ADAMTSL4: variants seen among roughly 807,000 people sequenced by gnomAD.
The protein encoded by ADAMTSL4 is ADAMTS like 4, also known as ADAMTS-like protein 4.
Under a neutral mutation model 122.8 loss-of-function variants are expected in ADAMTSL4, and 97 were observed. The observed-to-expected ratio is 0.79, with a 90% CI of 0.67 to 0.93. ADAMTSL4 has a LOEUF of 0.93. Among genes scored for constraint, ADAMTSL4 ranks in the 40% least tolerant of loss-of-function variants. The probability of loss-of-function intolerance (pLI) is 0.00; values close to 1 mark genes in which losing one functional copy is unlikely to be tolerated. For synonymous variants in ADAMTSL4, 592 were observed against 568.0 expected (o/e 1.04, Z -0.60); for missense variants, 1,408 against 1,453.5 (o/e 0.97, Z 0.51).
rs1332631672 is a variant in ADAMTSL4 at position 150,560,104 on chromosome 1, C to A, written c.3133C>A (p.Gln1045Lys). The A allele has an allele frequency of 6.2e-7, 1 of 1,614,130 alleles. No homozygotes were observed. The highest frequency in any genetic ancestry group is 8.5e-7 in the Non-Finnish European group (1 of 1,180,020). ...DSSPHCPLVV[Q>K]ARLCVYPYYT... ...CTCTCCACATTGCCCCCTGGTGGTA[C>A]AGGCCCGGCTCTGCGTCTACCCCTA... Residue 1045 changes from glutamine (Q) to lysine (K), a missense_variant, in exon 19 of 19, where the codon CAG (glutamine) becomes AAG (lysine). Coordinates refer to ENST00000271643, the MANE Select transcript of ADAMTSL4 (RefSeq NM_019032.6).
rs371019983 is a variant in ADAMTSL4, at chr1:150,554,662, GGGA to G, written c.1234+204_1234+206del. The G allele has an allele frequency of 2.7e-4, 411 of 1,536,938 alleles. No individual in the cohort carries two copies. In the African/African-American group the frequency reaches 3.9e-3, roughly 15 times the overall value. ...GAGTGGTCTGCAGAAGGGTCGGGGT[GGGA>G]GGAGGAGGTGTGGGAGACACGCTTT... On this transcript the variant is annotated intron_variant, in intron 7 of 18. Transcript: ENST00000271643. The surrounding 1 kb of genome is among the most constrained non-coding windows in gnomAD (Gnocchi z 4.0).
In ADAMTSL4 at chr1:150,554,307, C is replaced by A. The variant is rs1176226934; in HGVS notation, c.1132-58C>A. Reference sequence around the variant, plus strand: ...CTCCCACCTGCTCCCCAGGTTCAGCCCTGCCCCTACCCTCATTTTGCTCCC... The same window carrying A: ...CTCCCACCTGCTCCCCAGGTTCAGCACTGCCCCTACCCTCATTTTGCTCCC... On this transcript the variant is annotated intron_variant, in intron 6 of 18. Coordinates refer to ENST00000271643, the MANE Select transcript of ADAMTSL4 (RefSeq NM_019032.6). The surrounding 1 kb of genome is among the most constrained non-coding windows in gnomAD (Gnocchi z 4.0). The A allele has an allele frequency of 6.4e-7, 1 of 1,559,088 alleles. No homozygotes were observed. The highest frequency in any genetic ancestry group is 8.8e-7 in the Non-Finnish European group (1 of 1,132,432).
rs1672198948 is a variant in ADAMTSL4 at position 150,556,966 on chromosome 1, G to GT, written c.1783dup (p.Tyr595LeufsTer13). On this transcript the variant is annotated frameshift_variant, in exon 11 of 19. Transcript: ENST00000271643. LOFTEE classifies it high-confidence loss of function. This position sits in a 1 kb window ranked among gnomAD's most constrained non-coding sequence, Gnocchi z 4.1. ...GATCTTTCAGGAGGAAAACCCAGGC[G>GT]TTTTTTATCAGTATGTCATCTCTTC... 5.6e-6 allele frequency: 9 copies of GT among 1,613,948 alleles called. No homozygotes were observed. The highest frequency in any genetic ancestry group is 2.2e-5 in the East Asian group (1 of 44,894).
At chr1:150,555,960 A>C in intron 8 of ADAMTSL4, 1 of 633,946 alleles carries the variant, frequency 1.6e-6, no homozygotes, top group Non-Finnish European at 2.8e-6. Flanking sequence ...TCACCTGCCA[A>C]GCTGCGCTGA....
In ADAMTSL4 at chr1:150,560,161, C is replaced by A. The variant is rs1490639387; in HGVS notation, c.3190C>A (p.His1064Asn). The A allele has an allele frequency of 3.7e-6, 6 of 1,614,094 alleles. No homozygotes were observed. Among genetic ancestry groups the A allele is most frequent in the Non-Finnish European group, 4.2e-6 (5 of 1,180,008 alleles). Reference sequence around the variant, plus strand: ...AGCCACCTGTTGCCGCTCTTGCGCACATGTCCTGGAGCGGTCTCCCCAGGA... The same window carrying A: ...AGCCACCTGTTGCCGCTCTTGCGCAAATGTCCTGGAGCGGTCTCCCCAGGA... ...YTATCCRSCAHVLERSPQDPS is the reference protein window; with the variant it reads ...YTATCCRSCANVLERSPQDPS The change falls in exon 19 of 19, where the codon CAT (histidine) becomes AAT (asparagine). Residue 1064 changes from histidine to asparagine, a missense_variant. Transcript: ENST00000271643.
In ADAMTSL4 at chr1:150,559,061, A is replaced by G. The variant is rs201865759; in HGVS notation, c.2659A>G (p.Thr887Ala). ...GPGQGEAGAG[T>A]GQSCPTGSRP... ...AGGCCAGGGGGAAGCAGGAGCAGGA[A>G]CTGGGCAGAGCTGTCCAACAGGAAG... The change falls in exon 16 of 19, where the codon ACT (threonine) becomes GCT (alanine). Residue 887 changes from threonine to alanine, a missense_variant. Coordinates refer to ENST00000271643, the MANE Select transcript of ADAMTSL4 (RefSeq NM_019032.6). The surrounding 1 kb of genome is among the most constrained non-coding windows in gnomAD (Gnocchi z 4.1). 13 of 1,612,680 alleles carry G rather than the reference A, an allele frequency of 8.1e-6. No homozygotes were observed. In the East Asian group the frequency reaches 2.5e-4, roughly 30 times the overall value.
chr1:150,550,543 G>A (rs778744850), intron 2 of ADAMTSL4: 7 of 372,600 alleles, frequency 1.9e-5, no homozygotes, highest in Non-Finnish European at 3.7e-5. Flanking sequence ...CAGAGGCAGA[G>A]AGGGCATGAA....
At position 150,553,005 on chromosome 1, in the gene ADAMTSL4, G is replaced by C. The variant is rs587755814; in HGVS notation, c.186G>C (p.Val62=). The stretch of plus-strand genomic sequence containing the variant: ...CCTCTTGCTCCCAGCCCTGCGGGGT[G>C]GGGGTGCAGCGCAGGAGCCGGACAT... The part of the protein sequence containing the change: ...QWASCSQPCG[V]GVQRRSRTCQ... Residue 62 remains valine, a synonymous_variant, in exon 5 of 19, where the codon GTG becomes GTC. Transcript: ENST00000271643. 3 of 1,613,256 alleles carry C rather than the reference G, an allele frequency of 1.9e-6. No individual in the cohort carries two copies. The highest frequency in any genetic ancestry group is 2.2e-5 in the South Asian group (2 of 91,076).
rs1433019029 is a variant in ADAMTSL4, at chr1:150,559,868, G to A, written c.3051G>A (p.Lys1017=). 3 of 1,613,866 alleles carry A rather than the reference G, an allele frequency of 1.9e-6. No homozygotes were observed. In the Admixed American group the frequency reaches 5.0e-5, roughly 27 times the overall value. ...RCPPQLRPSR[K]RPCNSQPCSQ... ...CTCCTCAACTGCGGCCCTCCAGGAA[G>A]CGCCCCTGTAACAGCCAACCCTGCA... The change falls in exon 18 of 19, where the codon AAG becomes AAA. Residue 1017 remains lysine, a synonymous_variant. Coordinates refer to ENST00000271643, the MANE Select transcript of ADAMTSL4 (RefSeq NM_019032.6). The surrounding 1 kb of genome is among the most constrained non-coding windows in gnomAD (Gnocchi z 4.1).
rs770330962 is a variant in ADAMTSL4, at chr1:150,559,732, G to T, written c.2944-29G>T. On this transcript the variant is annotated intron_variant, in intron 17 of 18. Transcript: ENST00000271643. This position sits in a 1 kb window ranked among gnomAD's most constrained non-coding sequence, Gnocchi z 4.1. Reference sequence around the variant, plus strand: ...AAGGAGAATCCCGGGCCTGGCAAAGGTCTGATATGATGGCTGGGGTCGCCC... The same window carrying T: ...AAGGAGAATCCCGGGCCTGGCAAAGTTCTGATATGATGGCTGGGGTCGCCC... The T allele has an allele frequency of 1.1e-4, 174 of 1,613,606 alleles. No individual in the cohort carries two copies. Among genetic ancestry groups the T allele is most frequent in the Non-Finnish European group, 1.4e-4 (169 of 1,179,980 alleles).
At position 150,558,537 on chromosome 1, in the gene ADAMTSL4, A is replaced by G. The variant is rs1347388768; in HGVS notation, c.2447A>G (p.Asp816Gly). The change falls in exon 15 of 19, where the codon GAT (aspartate) becomes GGT (glycine). Residue 816 changes from aspartate (D) to glycine (G), a missense_variant. By Grantham distance (94) the Asp-to-Gly change is moderately conservative. Coordinates refer to ENST00000271643, the MANE Select transcript of ADAMTSL4 (RefSeq NM_019032.6). ...GTTCGCTGTGTTGGGAACAATGGTGATGAAGTGAGCGAGCAGGAGTGTGCG... is the reference window on the plus strand; with the variant it reads ...GTTCGCTGTGTTGGGAACAATGGTGGTGAAGTGAGCGAGCAGGAGTGTGCG... ...RQVRCVGNNG[D>G]EVSEQECASG... 6.2e-7 allele frequency: 1 copy of G among 1,613,648 alleles called. No homozygotes were observed. The highest frequency in any genetic ancestry group is 1.3e-5 in the African/African-American group (1 of 74,906).
rs1672661840 is a variant in ADAMTSL4 at position 150,560,563 on chromosome 1, C to T, written c.*367C>T. On this transcript the variant is annotated 3_prime_UTR_variant, in exon 19 of 19. Coordinates refer to ENST00000271643, the MANE Select transcript of ADAMTSL4 (RefSeq NM_019032.6). ...GTCTGCAGTTCCTTGCTAATCTGAGCTACTTAGAGTGTGGTCTCCCCACCA... is the reference window on the plus strand; with the variant it reads ...GTCTGCAGTTCCTTGCTAATCTGAGTTACTTAGAGTGTGGTCTCCCCACCA... 1 of 313,412 alleles carries T rather than the reference C, an allele frequency of 3.2e-6. No homozygotes were observed. The highest frequency in any genetic ancestry group is 2.1e-5 in the African/African-American group (1 of 47,260). The allele number at this position is 313,412 out of a possible 1,614,324, so 19.4% of individuals were successfully genotyped here.
Position 150,555,578 on chromosome 1 carries a change from A to AGTGT in ADAMTSL4, c.1371+21_1371+24dup. On this transcript the variant is annotated intron_variant, in intron 8 of 18. Transcript: ENST00000271643. Reference sequence around the variant, plus strand: ...TGGACGCTGTCTGGTGAGGGAAGACAGTGTGTGTGTGCACACACACATGCA... The same window carrying AGTGT: ...TGGACGCTGTCTGGTGAGGGAAGACAGTGTGTGTGTGTGTGCACACACACATGCA... 6.2e-7 allele frequency: 1 copy of AGTGT among 1,609,806 alleles called. No individual in the cohort carries two copies. Among genetic ancestry groups the AGTGT allele is most frequent in the Non-Finnish European group, 8.5e-7 (1 of 1,178,406 alleles).
At chr1:150,553,326 G>A (rs1250550157) in intron 5 of ADAMTSL4, 73 bp downstream of exon 5, 3 of 1,605,484 alleles carry the variant, frequency 1.9e-6, no homozygotes, top group South Asian at 2.2e-5. Context: ...GGGAGCACGG[G>A]TGGCTTCAGA....
At position 150,556,168 on chromosome 1, in the gene ADAMTSL4, G is replaced by A. The variant is rs587749107; in HGVS notation, c.1378G>A (p.Gly460Ser). 1.7e-5 allele frequency: 27 copies of A among 1,614,056 alleles called. No individual in the cohort carries two copies. In the Admixed American group the frequency reaches 2.8e-4, roughly 17 times the overall value. ...ICVAGRCLSP[G>S]CDGILGSGRR... The stretch of plus-strand genomic sequence containing the variant: ...CTCACCTCACTCTCTCCAGAGCCCC[G>A]GCTGTGATGGGATCCTTGGCTCTGG... Residue 460 changes from glycine (G) to serine (S), a missense_variant, in exon 9 of 19, where the codon GGC becomes AGC. Gly to Ser is a moderately conservative substitution (Grantham distance 56). Transcript: ENST00000271643. This position sits in a 1 kb window ranked among gnomAD's most constrained non-coding sequence, Gnocchi z 4.1.
At position 150,559,551 on chromosome 1, in the gene ADAMTSL4, C is replaced by A; in HGVS notation, c.2943+85C>A. ...TCCTCTCGCTGTACCCCCTCCAGGT[C>A]TCTCTGTGCCCCAGAATAAGCCCAG... On this transcript the variant is annotated intron_variant, in intron 17 of 18. Transcript: ENST00000271643. This position sits in a 1 kb window ranked among gnomAD's most constrained non-coding sequence, Gnocchi z 4.1. 6.3e-7 allele frequency: 1 copy of A among 1,586,136 alleles called. No homozygotes were observed. The highest frequency in any genetic ancestry group is 1.1e-5 in the South Asian group (1 of 89,970).
chr1:150,558,578 C>A lies in ADAMTSL4; in HGVS notation c.2488C>A (p.Pro830Thr), dbSNP rs1488547341. 1.2e-6 allele frequency: 2 copies of A among 1,612,236 alleles called. No homozygotes were observed. Among genetic ancestry groups the A allele is most frequent in the African/African-American group, 1.3e-5 (1 of 74,866 alleles). The change falls in exon 15 of 19, where the codon CCC becomes ACC. Residue 830 changes from proline (P) to threonine (T), a missense_variant. Coordinates refer to ENST00000271643, the MANE Select transcript of ADAMTSL4 (RefSeq NM_019032.6). The stretch of plus-strand genomic sequence containing the variant: ...GGAGTGTGCGTCAGGCCCCCCGCAG[C>A]CCCCCAGCAGAGAGGCCTGTGACAT... ...EQECASGPPQ[P>T]PSREACDMGP...
In ADAMTSL4 at chr1:150,554,113, C is replaced by G; in HGVS notation, c.1122C>G (p.Cys374Trp). ...GGGAGAGTGAACAGCTAAGAGCCTG[C>G]AGCCAAGCGGTGAGTCTCCTCGGGC... The part of the protein sequence containing the change: ...CSGESEQLRA[C>W]SQAPCPPEQP... Residue 374 changes from cysteine to tryptophan, a missense_variant, in exon 6 of 19, where the codon TGC becomes TGG. Cys to Trp is a radical substitution (Grantham distance 215, BLOSUM62 -2). Transcript: ENST00000271643. The surrounding 1 kb of genome is among the most constrained non-coding windows in gnomAD (Gnocchi z 4.0). The G allele has an allele frequency of 6.3e-7, 1 of 1,599,472 alleles. No homozygotes were observed. Among genetic ancestry groups the G allele is most frequent in the Non-Finnish European group, 8.5e-7 (1 of 1,179,920 alleles).
rs56055939 is a variant in ADAMTSL4 at position 150,558,055 on chromosome 1, C to T, written c.2288C>T (p.Pro763Leu). The change falls in exon 14 of 19, where the codon CCG (proline) becomes CTG (leucine). Residue 763 changes from proline (P) to leucine (L), a missense_variant. Coordinates refer to ENST00000271643, the MANE Select transcript of ADAMTSL4 (RefSeq NM_019032.6). ...EFGGGGSSVP[P>L]ERCGHLPRPN... ...GGGGGGGGTGGCTCCTCGGTGCCCCCGGAGCGCTGTGGACATCTCCCCCGG... is the reference window on the plus strand; with the variant it reads ...GGGGGGGGTGGCTCCTCGGTGCCCCTGGAGCGCTGTGGACATCTCCCCCGG... 9.8e-4 allele frequency: 1,583 copies of T among 1,613,054 alleles called. 4 individuals carry two copies. The African/African-American group carries it at 0.01, about 11-fold the overall frequency.
Sources: allele counts gnomAD v4.1 joint callset, GRCh38; gene constraint gnomAD v4.1.1; non-coding constraint Gnocchi (gnomAD v3.1); transcripts MANE v1.5; gene names NCBI Gene and HGNC (gene_info 2026-07-23, HGNC 2026-07-21).